ZNF268: variants seen among roughly 807,000 people sequenced by gnomAD.
ZNF268 encodes zinc finger protein 268, also known as zinc finger protein 3.
Under a neutral mutation model 29.3 loss-of-function variants are expected in ZNF268, and 20 were observed. The observed-to-expected ratio is 0.68, with a 90% CI of 0.48 to 0.99. The LOEUF is 0.99. ZNF268 is among the 50% of genes least tolerant of loss of function. ZNF268 has a pLI of 0.00. For synonymous variants in ZNF268, 429 were observed against 376.9 expected (o/e 1.14, Z -1.60); for missense variants, 1,240 against 1,121.6 (o/e 1.11, Z -1.51).
intron 5 of ZNF268, among the ~76,000 whole-genome samples, chr12:133,195,492 G>C (rs897903477): frequency 9.2e-5 from 14 of 152,124 alleles, no homozygotes; most frequent in African/African-American, 3.1e-4. Context: ...ATCACTTGAG[G>C]CCAGGAGCTT....
In ZNF268 at chr12:133,204,367, G is replaced by A; in HGVS notation, c.2681G>A (p.Cys894Tyr). The change falls in exon 6 of 6, where the codon TGC becomes TAC. Residue 894 changes from cysteine to tyrosine, a missense_variant. By Grantham distance (194) the Cys-to-Tyr change is radical (BLOSUM62 -2). Coordinates refer to ENST00000536435, the MANE Select transcript of ZNF268 (RefSeq NM_003415.3). ...RTHSGEKPYGCNECGKTFSQK... is the reference protein window; with the variant it reads ...RTHSGEKPYGYNECGKTFSQK... Reference sequence around the variant, plus strand: ...CATTCAGGAGAGAAACCCTATGGGTGCAATGAATGTGGGAAAACCTTCTCT... The same window carrying A: ...CATTCAGGAGAGAAACCCTATGGGTACAATGAATGTGGGAAAACCTTCTCT... 6.4e-7 allele frequency: 1 copy of A among 1,571,176 alleles called. No homozygotes were observed. Among genetic ancestry groups the A allele is most frequent in the South Asian group, 1.2e-5 (1 of 86,670 alleles).
rs1956950824 is a variant in ZNF268, at chr12:133,209,636, A to C, written c.*5106A>C. Reference sequence around the variant, plus strand: ...GATGACTTGAGGTCAGGAGTTCGAGACCAGCCTGGTGAAACCCCGTCTCTA... The same window carrying C: ...GATGACTTGAGGTCAGGAGTTCGAGCCCAGCCTGGTGAAACCCCGTCTCTA... On this transcript the variant is annotated 3_prime_UTR_variant, in exon 6 of 6. Coordinates refer to ENST00000536435, the MANE Select transcript of ZNF268 (RefSeq NM_003415.3). 1.3e-5 allele frequency: 2 copies of C among 152,056 alleles called. No individual in the cohort carries two copies. The highest frequency in any genetic ancestry group is 4.8e-5 in the African/African-American group (2 of 41,378). 9.4% of individuals were successfully genotyped at this position (152,056 alleles called of 1,614,324 possible).
At position 133,203,618 on chromosome 12, in the gene ZNF268, A is replaced by T; in HGVS notation, c.1932A>T (p.Glu644Asp). ...HTGEKPYSCN[E>D]CGKAFTFKSQ... ...GAGAGAAACCCTATAGTTGTAATGA[A>T]TGTGGAAAAGCCTTTACGTTCAAAT... The change falls in exon 6 of 6, where the codon GAA becomes GAT. Residue 644 changes from glutamate (E) to aspartate (D), a missense_variant. Transcript: ENST00000536435. 1 of 1,568,408 alleles carries T rather than the reference A, an allele frequency of 6.4e-7. No homozygotes were observed. The highest frequency in any genetic ancestry group is 8.6e-7 in the Non-Finnish European group (1 of 1,160,518).
intron 4 of ZNF268, 115 bp downstream of exon 4, chr12:133,191,730 C>T: frequency 6.6e-7 from 1 of 1,518,324 alleles, no homozygotes; most frequent in South Asian, 1.2e-5. Context: ...GATTTTAAGG[C>T]CAGATTTTCT....
At chr12:133,189,635 C>G (rs1298928181) in intron 3 of ZNF268, among the ~76,000 whole-genome samples, 1 of 152,160 alleles carries the variant, frequency 6.6e-6, no homozygotes, top group Non-Finnish European at 1.5e-5. Flanking sequence ...TAGGAACTTT[C>G]TTAGGTTTTT....
rs748596659 is a variant in ZNF268 at position 133,203,631 on chromosome 12, T to A, written c.1945T>A (p.Phe649Ile). Reference sequence around the variant, plus strand: ...TAGTTGTAATGAATGTGGAAAAGCCTTTACGTTCAAATCACAGCTCATTGT... The same window carrying A: ...TAGTTGTAATGAATGTGGAAAAGCCATTACGTTCAAATCACAGCTCATTGT... ...PYSCNECGKAFTFKSQLIVHK... is the reference protein window; with the variant it reads ...PYSCNECGKAITFKSQLIVHK... Residue 649 changes from phenylalanine (F) to isoleucine (I), a missense_variant, in exon 6 of 6, where the codon TTT becomes ATT. This residue lies in a region of ZNF268 where 1,177 missense variants were observed against 1,039.6 expected (regional missense o/e 1.13). Transcript: ENST00000536435. 2 of 1,564,240 alleles carry A rather than the reference T, an allele frequency of 1.3e-6. No homozygotes were observed. Among genetic ancestry groups the A allele is most frequent in the Non-Finnish European group, 1.7e-6 (2 of 1,158,756 alleles).
rs1196439349 is a variant in ZNF268 at position 133,204,689 on chromosome 12, G to A, written c.*159G>A. 1.2e-5 allele frequency: 7 copies of A among 561,706 alleles called. No individual in the cohort carries two copies. Among genetic ancestry groups the A allele is most frequent in the Non-Finnish European group, 2.1e-5 (7 of 336,144 alleles). 34.8% of individuals were successfully genotyped at this position (561,706 alleles called of 1,614,324 possible). A position where few individuals can be genotyped will look rare whatever the true frequency, so the allele number is the denominator to read the frequency against. ...GCATATGGAAAGGCATCCACAGAAA[G>A]CTGTTCTTTACATGCAAAAAGATAG... is the stretch of plus-strand genomic sequence containing the variant. On this transcript the variant is annotated 3_prime_UTR_variant, in exon 6 of 6. Coordinates refer to ENST00000536435, the MANE Select transcript of ZNF268 (RefSeq NM_003415.3).
At position 133,206,123 on chromosome 12, in the gene ZNF268, C is replaced by T. The variant is rs1352411955; in HGVS notation, c.*1593C>T. On this transcript the variant is annotated 3_prime_UTR_variant, in exon 6 of 6. Coordinates refer to ENST00000536435, the MANE Select transcript of ZNF268 (RefSeq NM_003415.3). ...ATCTTTTGCATACAGCTTACTAAAT[C>T]AGATGGCTTCAGAAATGGGTGGTAG... is the stretch of plus-strand genomic sequence containing the variant. The T allele has an allele frequency of 5.9e-5, 9 of 152,310 alleles. No individual in the cohort carries two copies. The East Asian group carries it at 1.7e-3, about 29-fold the overall frequency. 9.4% of individuals were successfully genotyped at this position (152,310 alleles called of 1,614,324 possible).
chr12:133,192,110 T>C, intron 5 of ZNF268, 107 bp downstream of exon 5: 1 of 435,654 alleles, frequency 2.3e-6, no homozygotes. Context: ...CCATGCACTT[T>C]TTTTTTTTTT....
rs1222310271 is a variant in ZNF268, at chr12:133,191,574, G to A, written c.320G>A (p.Arg107Lys). Residue 107 changes from arginine to lysine, a missense_variant, in exon 4 of 6, where the codon AGG becomes AAG. Transcript: ENST00000536435. ...LLDPAQKCLY[R>K]SVMLENYSNL... is the part of the protein sequence containing the mutation. ...GACCCAGCACAGAAGTGCCTGTACA[G>A]GAGTGTGATGTTGGAGAACTATAGC... 6.2e-7 allele frequency: 1 copy of A among 1,614,116 alleles called. No homozygotes were observed. Among genetic ancestry groups the A allele is most frequent in the Admixed American group, 1.7e-5 (1 of 60,014 alleles).
rs1957011283 is a variant in ZNF268 at position 133,213,165 on chromosome 12, T to C, written c.*8635T>C. On this transcript the variant is annotated 3_prime_UTR_variant, in exon 6 of 6. Transcript: ENST00000536435. The stretch of plus-strand genomic sequence containing the variant: ...CCACTGCACTTGGCCTCCATATTTT[T>C]TATAATAGCCACTCTAACATGTATG... 1 of 152,150 alleles carries C rather than the reference T, an allele frequency of 6.6e-6. No homozygotes were observed. The highest frequency in any genetic ancestry group is 2.4e-5 in the African/African-American group (1 of 41,430). 9.4% of individuals were successfully genotyped at this position (152,150 alleles called of 1,614,324 possible).
In ZNF268 at chr12:133,205,175, C is replaced by CAAAAAAAAAAAAAAAAAAAAAAAAAAA. The variant is rs1343948566; in HGVS notation, c.*647_*648insAAAAAAAAAAAAAAAAAAAAAAAAAAA. 17 of 21,794 alleles carry CAAAAAAAAAAAAAAAAAAAAAAAAAAA rather than the reference C, an allele frequency of 7.8e-4. No individual in the cohort carries two copies. Among genetic ancestry groups the CAAAAAAAAAAAAAAAAAAAAAAAAAAA allele is most frequent in the Non-Finnish European group, 1.9e-3 (15 of 7,762 alleles). The allele number at this position is 21,794 out of a possible 1,614,324, so 1.4% of individuals were successfully genotyped here. ...AAAAAAAAAAAAAAAAAAAAAAAAC[C>CAAAAAAAAAAAAAAAAAAAAAAAAAAA]AACCTGTTATTATATCTTAATATTA... On this transcript the variant is annotated 3_prime_UTR_variant, in exon 6 of 6. Coordinates refer to ENST00000536435, the MANE Select transcript of ZNF268 (RefSeq NM_003415.3).
intron 2 of ZNF268, chr12:133,184,737 C>A: frequency 2.2e-6 from 1 of 449,334 alleles, no homozygotes; most frequent in Non-Finnish European, 4.5e-6. Flanking sequence ...TTGCCTCAGC[C>A]TCCTGAGTAG....
rs1369466706 is a variant in ZNF268 at position 133,204,295 on chromosome 12, GA to G, written c.2613del (p.Ala872ProfsTer72). 9.6e-6 allele frequency: 15 copies of G among 1,556,280 alleles called. No homozygotes were observed. In the South Asian group the frequency reaches 1.3e-4, roughly 13 times the overall value. On this transcript the variant is annotated frameshift_variant, in exon 6 of 6. Transcript: ENST00000536435. LOFTEE classifies it high-confidence loss of function. ...REKPYECSEC[G>X]KAFIRNSQLI... is the part of the protein sequence containing the mutation. ...AAACCATATGAATGCAGTGAGTGTG[GA>G]AAAGCCTTCATTAGGAATTCTCAAC...
Position 133,204,574 on chromosome 12 carries a change from ACAAT to A in ZNF268, c.*47_*50del, listed in dbSNP as rs1249168748. On this transcript the variant is annotated 3_prime_UTR_variant, in exon 6 of 6. Transcript: ENST00000536435. ...AAAAGTGGATTCACAAGAGATAGAA[ACAAT>A]CATATATAAAGAGAAACTCTGTAAG... is the stretch of plus-strand genomic sequence containing the variant. 1 of 1,364,672 alleles carries A rather than the reference ACAAT, an allele frequency of 7.3e-7. No individual in the cohort carries two copies. The highest frequency in any genetic ancestry group is 2.5e-5 in the East Asian group (1 of 39,990). 84.5% of individuals were successfully genotyped at this position (1,364,672 alleles called of 1,614,324 possible). A position where few individuals can be genotyped will look rare whatever the true frequency, so the allele number is the denominator to read the frequency against.
chr12:133,182,122 C>A, intron 2 of ZNF268, 92 bp downstream of exon 2: 2 of 1,290,262 alleles, frequency 1.6e-6, no homozygotes, highest in Non-Finnish European at 2.2e-6. Context: ...TTGCCAGGAG[C>A]TTTCTCACCC....
rs1956385697 is a variant in ZNF268, at chr12:133,188,663, GT to G, written c.234+592del. Among the ~76,000 whole-genome samples the G allele has an allele frequency of 2.6e-5, 4 of 151,500 alleles. No homozygotes were observed. In the East Asian group the frequency reaches 7.7e-4, roughly 29 times the overall value. ...TAAAAAATGTGTGTTTACGTAATAT[GT>G]ATTGTTCGGGAAGCTTGTTAGAAAT... On this transcript the variant is annotated intron_variant, in intron 3 of 5. Transcript: ENST00000536435.
Position 133,212,572 on chromosome 12 carries a change from T to C in ZNF268, c.*8042T>C, listed in dbSNP as rs1395843304. On this transcript the variant is annotated 3_prime_UTR_variant, in exon 6 of 6. Transcript: ENST00000536435. ...ATATACACATATATATACACATATA[T>C]ATAATAAGAACATTTACCATTTTAA... The C allele has an allele frequency of 6.6e-6, 1 of 150,496 alleles. No homozygotes were observed. Among genetic ancestry groups the C allele is most frequent in the Non-Finnish European group, 1.5e-5 (1 of 67,704 alleles). 9.3% of individuals were successfully genotyped at this position (150,496 alleles called of 1,614,324 possible).
intron 3 of ZNF268, among the ~76,000 whole-genome samples, chr12:133,190,908 C>T (rs1180307072): frequency 6.8e-6 from 1 of 147,596 alleles, no homozygotes; most frequent in Admixed American, 6.7e-5. Flanking sequence ...AGGTTGGTAA[C>T]TGTATTGCAG....
Sources: gnomAD v4.1 joint callset for allele counts (sites outside exome capture counted in the v4.1 genomes callset) on GRCh38, gnomAD v4.1.1 for gene constraint, gnomAD v4.1.1 regional missense constraint, MANE v1.5 for transcripts, NCBI Gene and HGNC (gene_info 2026-07-23, HGNC 2026-07-21) for gene names.